Variants in TEPSIN observed in about 807,000 individuals in gnomAD.
TEPSIN encodes TEPSIN adaptor related protein complex 4 accessory protein, also known as AP-4 complex accessory subunit tepsin.
Under a neutral mutation model 48.5 loss-of-function variants are expected in TEPSIN, and 50 were observed. That is an observed-to-expected ratio of 1.03 (90% CI 0.82 to 1.31). The LOEUF is 1.31. Among genes scored for constraint, TEPSIN ranks in the 50% most tolerant of loss-of-function variants. TEPSIN has a pLI of 0.00. For missense variants in TEPSIN, 838 were observed against 815.9 expected (o/e 1.03, Z -0.33); for synonymous variants, 392 against 358.8 (o/e 1.09, Z -1.05).
At chr17:81,236,088 C>T (rs2062715313) in intron 4 of TEPSIN, among the ~76,000 whole-genome samples, 1 of 152,222 alleles carries the variant, frequency 6.6e-6, no homozygotes, top group Non-Finnish European at 1.5e-5. Flanking sequence ...CTCCCTCCAC[C>T]CCATGGAAGA....
chr17:81,236,373 C>T (rs879938792), intron 4 of TEPSIN, among the ~76,000 whole-genome samples: 15 of 152,168 alleles, frequency 9.9e-5, no homozygotes, highest in African/African-American at 1.7e-4. Flanking sequence ...GGGGAAGACC[C>T]GTGGGGCACA....
In TEPSIN at chr17:81,234,325, G is replaced by A. The variant is rs1336310943; in HGVS notation, c.308-277C>T. On this transcript the variant is annotated intron_variant, in intron 4 of 12. Transcript: ENST00000637944. The surrounding 1 kb of genome is among the most constrained non-coding windows in gnomAD (Gnocchi z 5.4). ...GGCAACCCCTGGTGCCTGAGCGGGT[G>A]TGGCCTCCCCGAAGCCCACTCTCCC... The A allele has an allele frequency of 8.8e-6, 3 of 342,218 alleles. No individual in the cohort carries two copies. The highest frequency in any genetic ancestry group is 1.6e-5 in the Non-Finnish European group (3 of 189,660). 21.2% of individuals were successfully genotyped at this position (342,218 alleles called of 1,614,324 possible).
chr17:81,231,755 G>A, intron 9 of TEPSIN, 64 bp from the exon 10 acceptor site: 2 of 1,607,500 alleles, frequency 1.2e-6, no homozygotes, highest in South Asian at 1.1e-5. Context: ...TGTCTCGCAT[G>A]GGGGAGAACC....
chr17:81,230,623 T>G lies in TEPSIN; in HGVS notation c.1154A>C (p.His385Pro), dbSNP rs1401433572. 2 of 1,602,530 alleles carry G rather than the reference T, an allele frequency of 1.2e-6. No homozygotes were observed. The highest frequency in any genetic ancestry group is 1.7e-6 in the Non-Finnish European group (2 of 1,174,196). The change falls in exon 12 of 13, where the codon CAC becomes CCC. Residue 385 changes from histidine (H) to proline (P), a missense_variant. Transcript: ENST00000637944. This position sits in a 1 kb window ranked among gnomAD's most constrained non-coding sequence, Gnocchi z 4.2. ...LGSSDLLPQE[H>P]ILLRTRPWLQ... is the part of the protein sequence containing the mutation. ...CCACGGCCGGGTGCGGAGGAGGATG[T>G]GCTCCTGGGGGAGGAGGTCGCTGCT...
intron 7 of TEPSIN, chr17:81,232,758 G>A (rs570570054): frequency 1.1e-4 from 57 of 506,456 alleles, no homozygotes; most frequent in Non-Finnish European, 1.7e-4. Flanking sequence ...TTATGCCTCC[G>A]TCCCTCTGTC....
In TEPSIN at chr17:81,234,568, G is replaced by A. The variant is rs2062687856; in HGVS notation, c.308-520C>T. On this transcript the variant is annotated intron_variant, in intron 4 of 12. Coordinates refer to ENST00000637944, the MANE Select transcript of TEPSIN (RefSeq NM_001363764.2). This position sits in a 1 kb window ranked among gnomAD's most constrained non-coding sequence, Gnocchi z 5.4. Reference sequence around the variant, plus strand: ...CCCCCAAGCCTACACCTGGGGCCGCGGCATCCTTTCAGGGCTCAGGCTGAG... The same window carrying A: ...CCCCCAAGCCTACACCTGGGGCCGCAGCATCCTTTCAGGGCTCAGGCTGAG... Among the ~76,000 whole-genome samples, 1 of 151,998 alleles carries A rather than the reference G, an allele frequency of 6.6e-6. No individual in the cohort carries two copies. Among genetic ancestry groups the A allele is most frequent in the South Asian group, 2.1e-4 (1 of 4,828 alleles).
chr17:81,236,831 G>A (rs2062730838), intron 3 of TEPSIN, 30 bp from the exon 4 acceptor site: 3 of 1,552,030 alleles, frequency 1.9e-6, no homozygotes, highest in East Asian at 2.4e-5. Flanking sequence ...GCAGTGCTGG[G>A]CAGGCCGGAC....
Position 81,233,592 on chromosome 17 carries a change from C to A in TEPSIN, c.454+46G>T. On this transcript the variant is annotated intron_variant, in intron 6 of 12. Coordinates refer to ENST00000637944, the MANE Select transcript of TEPSIN (RefSeq NM_001363764.2). The surrounding 1 kb of genome is among the most constrained non-coding windows in gnomAD (Gnocchi z 5.8). The stretch of plus-strand genomic sequence containing the variant: ...CAGACACCCAGGACACTCAAGGAGG[C>A]AGAAACCAGGTGCCAGAGCTGGACA... The A allele has an allele frequency of 6.4e-7, 1 of 1,573,104 alleles. No individual in the cohort carries two copies.
intron 1 of TEPSIN, chr17:81,238,071 G>A (rs1811373347): frequency 9.1e-6 from 9 of 990,406 alleles, no homozygotes; most frequent in Non-Finnish European, 1.1e-5. Flanking sequence ...TCAGTATCAG[G>A]ACAGAATAGA....
In TEPSIN at chr17:81,232,747, G is replaced by T. The variant is rs992960842; in HGVS notation, c.527-229C>A. 9 of 536,414 alleles carry T rather than the reference G, an allele frequency of 1.7e-5. 1 individual carries two copies. The Admixed American group carries it at 3.1e-4, about 18-fold the overall frequency. The allele number at this position is 536,414 out of a possible 1,614,324, so 33.2% of individuals were successfully genotyped here. ...CCTGGACACCAAAGCTCACTGCAGA[G>T]TTATGCCTCCGTCCCTCTGTCCTCT... On this transcript the variant is annotated intron_variant, in intron 7 of 12. Transcript: ENST00000637944.
At position 81,238,624 on chromosome 17, in the gene TEPSIN, C is replaced by G. The variant is rs1047591236; in HGVS notation, c.48+362G>C. On this transcript the variant is annotated intron_variant, in intron 1 of 12. Transcript: ENST00000637944. ...CGCCACCGTCAGGGAGGACGGCGGG[C>G]TGCCAGCCCACCTGGGCGCCAGCAG... 4.2e-5 allele frequency: 47 copies of G among 1,127,740 alleles called. 1 individual carries two copies. Among genetic ancestry groups the G allele is most frequent in the Middle Eastern group, 7.3e-4 (2 of 2,728 alleles). The allele number at this position is 1,127,740 out of a possible 1,614,324, so 69.9% of individuals were successfully genotyped here. A position where few individuals can be genotyped will look rare whatever the true frequency, so the allele number is the denominator to read the frequency against.
rs1213600512 is a variant in TEPSIN, at chr17:81,231,390, C to G, written c.1098+8G>C. The G allele has an allele frequency of 1.3e-6, 2 of 1,542,014 alleles. No homozygotes were observed. The highest frequency in any genetic ancestry group is 2.7e-5 in the African/African-American group (2 of 73,052). On this transcript the variant is annotated splice_region_variant and intron_variant, in intron 11 of 12. Transcript: ENST00000637944. ...AGTCACGCCCTCCCGCCCGCGTGTG[C>G]AGCTCACCAGCTGCGTGCATTCACT...
rs61116961 is a variant in TEPSIN, at chr17:81,234,258, C to A, written c.308-210G>T. ...CCCCCTCACCCATGCCCCACAGAGGCGAGACTCTCTCCACAGCAACCACCT... is the reference window on the plus strand; with the variant it reads ...CCCCCTCACCCATGCCCCACAGAGGAGAGACTCTCTCCACAGCAACCACCT... On this transcript the variant is annotated intron_variant, in intron 4 of 12. Transcript: ENST00000637944. The surrounding 1 kb of genome is among the most constrained non-coding windows in gnomAD (Gnocchi z 5.4). 2.3e-6 allele frequency: 1 copy of A among 440,518 alleles called. No individual in the cohort carries two copies. Among genetic ancestry groups the A allele is most frequent in the Non-Finnish European group, 4.0e-6 (1 of 249,804 alleles). The allele number at this position is 440,518 out of a possible 1,614,324, so 27.3% of individuals were successfully genotyped here. A position where few individuals can be genotyped will look rare whatever the true frequency, so the allele number is the denominator to read the frequency against.
At position 81,234,802 on chromosome 17, in the gene TEPSIN, C is replaced by G. The variant is rs1048349554; in HGVS notation, c.308-754G>C. On this transcript the variant is annotated intron_variant, in intron 4 of 12. Coordinates refer to ENST00000637944, the MANE Select transcript of TEPSIN (RefSeq NM_001363764.2). The surrounding 1 kb of genome is among the most constrained non-coding windows in gnomAD (Gnocchi z 5.4). ...GGCTGCCATCTTCCCTGCAGGAGCC[C>G]AGGGCACCCACCTGCCACCCCACGC... 3.9e-5 allele frequency among the ~76,000 whole-genome samples: 6 copies of G among 152,068 alleles called. No homozygotes were observed. The highest frequency in any genetic ancestry group is 1.4e-4 in the African/African-American group (6 of 41,390).
Position 81,229,299 on chromosome 17 carries a change from TCCGGGACGAGA to T in TEPSIN, c.1400_1410del (p.Val467GlufsTer45). Reference sequence around the variant, plus strand: ...GGCATCCCAGATGAGGGAGCAGGGCTCCGGGACGAGACCGGGGTTGAACTCAGAGGCTGCAG... The same window carrying T: ...GGCATCCCAGATGAGGGAGCAGGGCTCCGGGGTTGAACTCAGAGGCTGCAG... On this transcript the variant is annotated frameshift_variant, in exon 13 of 13. Transcript: ENST00000637944. LOFTEE classifies it low-confidence loss of function (END_TRUNC). The T allele has an allele frequency of 3.8e-6, 6 of 1,572,630 alleles. No homozygotes were observed. Among genetic ancestry groups the T allele is most frequent in the Non-Finnish European group, 5.2e-6 (6 of 1,159,512 alleles).
Position 81,237,015 on chromosome 17 carries a change from G to A in TEPSIN, c.178C>T (p.Arg60Cys), listed in dbSNP as rs139708500. 33 of 1,596,392 alleles carry A rather than the reference G, an allele frequency of 2.1e-5. No homozygotes were observed. The highest frequency in any genetic ancestry group is 1.4e-4 in the South Asian group (12 of 88,370). The change falls in exon 3 of 13, where the codon CGC becomes TGC. Residue 60 changes from arginine to cysteine, a missense_variant. Coordinates refer to ENST00000637944, the MANE Select transcript of TEPSIN (RefSeq NM_001363764.2). The stretch of plus-strand genomic sequence containing the variant: ...CCGTGGCCGGAGCTGCTGTGCAGGC[G>A]GCTCAGGAGGTACTCCAGCAGGCAC... ...SQCLLEYLLS[R>C]LHSSSGHGKL...
In TEPSIN at chr17:81,238,781, T is replaced by C. The variant is rs1013382867; in HGVS notation, c.48+205A>G. ...GCCCATCGCCCTTGCGCTCGGCGGGTCCGGCTTGGAAGGCCCGGCTTGGAA... is the reference window on the plus strand; with the variant it reads ...GCCCATCGCCCTTGCGCTCGGCGGGCCCGGCTTGGAAGGCCCGGCTTGGAA... On this transcript the variant is annotated intron_variant, in intron 1 of 12. Coordinates refer to ENST00000637944, the MANE Select transcript of TEPSIN (RefSeq NM_001363764.2). 6 of 1,313,520 alleles carry C rather than the reference T, an allele frequency of 4.6e-6. No individual in the cohort carries two copies. The African/African-American group carries it at 9.3e-5, about 20-fold the overall frequency. The allele number at this position is 1,313,520 out of a possible 1,614,324, so 81.4% of individuals were successfully genotyped here.
chr17:81,230,408 G>T lies in TEPSIN; in HGVS notation c.1233+136C>A. ...TGACTTGCTGCTGCTCCCTCTGCCA[G>T]CGGGACAGGGACTTGAGAGGGGGTC... On this transcript the variant is annotated intron_variant, in intron 12 of 12. Coordinates refer to ENST00000637944, the MANE Select transcript of TEPSIN (RefSeq NM_001363764.2). This position sits in a 1 kb window ranked among gnomAD's most constrained non-coding sequence, Gnocchi z 4.2. 7.9e-7 allele frequency: 1 copy of T among 1,266,052 alleles called. No homozygotes were observed. Among genetic ancestry groups the T allele is most frequent in the Non-Finnish European group, 1.1e-6 (1 of 932,454 alleles). 78.4% of individuals were successfully genotyped at this position (1,266,052 alleles called of 1,614,324 possible).
Position 81,233,027 on chromosome 17 carries a change from G to A in TEPSIN, c.526+405C>T. The A allele has an allele frequency of 3.8e-6, 1 of 265,474 alleles. No homozygotes were observed. The highest frequency in any genetic ancestry group is 7.2e-6 in the Non-Finnish European group (1 of 138,252). 16.4% of individuals were successfully genotyped at this position (265,474 alleles called of 1,614,324 possible). ...CTGGGTCCCAGCCGCAGGCAGTGGT[G>A]CCACCTGTGGCTCTCCTGGCGCTGG... On this transcript the variant is annotated intron_variant, in intron 7 of 12. Transcript: ENST00000637944. This position sits in a 1 kb window ranked among gnomAD's most constrained non-coding sequence, Gnocchi z 5.8.
Sources: gnomAD v4.1 joint callset for allele counts (sites outside exome capture counted in the v4.1 genomes callset) on GRCh38, gnomAD v4.1.1 for gene constraint, Gnocchi (gnomAD v3.1) non-coding constraint, MANE v1.5 for transcripts, NCBI Gene and HGNC (gene_info 2026-07-23, HGNC 2026-07-21) for gene names.